The following IL20RB variants were observed in gnomAD, a reference collection of about 807,000 sequenced individuals.
IL20RB encodes interleukin 20 receptor subunit beta.
Under a neutral mutation model 33.3 loss-of-function variants are expected in IL20RB, and 21 were observed. The observed-to-expected ratio is 0.63, with a 90% CI of 0.45 to 0.91. IL20RB has a LOEUF of 0.91. IL20RB is among the 40% of genes least tolerant of loss of function. IL20RB has a pLI of 0.00. For missense variants in IL20RB, 345 were observed against 384.8 expected, an observed-to-expected ratio of 0.90 and a Z score of 0.86; for synonymous variants, 147 against 146.8, an observed-to-expected ratio of 1.00 and a Z score of -0.01.
chr3:136,992,404 C>T (rs138596232), intron 5 of IL20RB, among the ~76,000 whole-genome samples: 89 of 152,316 alleles, frequency 5.8e-4, no homozygotes, highest in Non-Finnish European at 9.4e-4. Context: ...TCAGAGTGGG[C>T]TGCAGGAGAG....
At chr3:136,967,068 G>A (rs1426975758) in intron 1 of IL20RB, among the ~76,000 whole-genome samples, 2 of 45,398 alleles carry the variant, frequency 4.4e-5, no homozygotes, top group African/African-American at 9.7e-5. Context: ...GAGATAGTTT[G>A]TTATAATTTC....
chr3:136,976,392 T>C (rs1941618529), intron 1 of IL20RB, among the ~76,000 whole-genome samples: 1 of 152,182 alleles, frequency 6.6e-6, no homozygotes, highest in African/African-American at 2.4e-5. Flanking sequence ...CTGACCTCTG[T>C]GGCTACAGCC....
intron 1 of IL20RB, among the ~76,000 whole-genome samples, chr3:136,960,837 A>G (rs557177841): frequency 6.6e-6 from 1 of 152,330 alleles, no homozygotes; most frequent in East Asian, 1.9e-4. Flanking sequence ...GACAAAGGAA[A>G]GGAAATAAAG....
intron 1 of IL20RB, among the ~76,000 whole-genome samples, chr3:136,958,486 G>A (rs1405298711): frequency 5.3e-5 from 8 of 152,138 alleles, no homozygotes; most frequent in African/African-American, 1.2e-4. Context: ...TTATCTCATC[G>A]TCTGGTTTTA....
At chr3:136,990,990 C>T (rs1322208982) in intron 4 of IL20RB, among the ~76,000 whole-genome samples, 1 of 152,190 alleles carries the variant, frequency 6.6e-6, no homozygotes, top group African/African-American at 2.4e-5. Flanking sequence ...ACTGGCAGGG[C>T]CAGGGCTAAG....
intron 2 of IL20RB, chr3:136,981,945 A>G: frequency 2.6e-6 from 1 of 380,188 alleles, no homozygotes; most frequent in East Asian, 4.0e-5. Context: ...ATCCAGACAC[A>G]TTGATGTTTA....
rs1225405177 is a variant in IL20RB at position 136,999,105 on chromosome 3, T to A, written c.825+3549T>A. ...AATTTTCAGCCTTTTTTTTTCTTTT[T>A]ATTTTTTTAGAGACAGGGTCTCACT... On this transcript the variant is annotated intron_variant, in intron 6 of 6. Transcript: ENST00000329582. Among the ~76,000 whole-genome samples the A allele has an allele frequency of 4.6e-5, 7 of 152,268 alleles. No homozygotes were observed. In the South Asian group the frequency reaches 8.3e-4, roughly 18 times the overall value.
At position 136,991,942 on chromosome 3, in the gene IL20RB, A is replaced by G. The variant is rs773961092; in HGVS notation, c.536A>G (p.His179Arg). Residue 179 changes from histidine (H) to arginine (R), a missense_variant, in exon 5 of 7, where the codon CAT (histidine) becomes CGT (arginine). Transcript: ENST00000329582. ...GTGTTTTCTGGTCTGTCAAAGGAAC[A>G]TGTCAAAATGGTGAGGAGTGGGGGT... ...YWRREPGAEEHVKMVRSGGIP... is the reference protein window; with the variant it reads ...YWRREPGAEERVKMVRSGGIP... 4 of 1,614,024 alleles carry G rather than the reference A, an allele frequency of 2.5e-6. No individual in the cohort carries two copies. Among genetic ancestry groups the G allele is most frequent in the South Asian group, 1.1e-5 (1 of 91,068 alleles).
chr3:136,959,904 C>A (rs140034941), intron 1 of IL20RB, among the ~76,000 whole-genome samples: 208 of 152,226 alleles, frequency 1.4e-3, no homozygotes, highest in African/African-American at 4.7e-3. Flanking sequence ...AATAAGATGA[C>A]ACAAACAAAA....
chr3:137,008,003 G>C (rs1560079615), intron 6 of IL20RB, among the ~76,000 whole-genome samples: 1 of 152,192 alleles, frequency 6.6e-6, no homozygotes, highest in Non-Finnish European at 1.5e-5. Flanking sequence ...TATAGTCTCT[G>C]TTTAAAAATA....
At chr3:136,974,169 GGATTTCTGTAGT>G (rs1941561047) in intron 1 of IL20RB, among the ~76,000 whole-genome samples, 1 of 151,824 alleles carries the variant, frequency 6.6e-6, no homozygotes, top group African/African-American at 2.4e-5. Flanking sequence ...GTGTTTTAGT[GGATTTCTGTAGT>G]GGTACCATTT....
intron 5 of IL20RB, among the ~76,000 whole-genome samples, chr3:136,993,638 T>A (rs1277121688): frequency 6.6e-6 from 1 of 152,122 alleles, no homozygotes; most frequent in Non-Finnish European, 1.5e-5. Context: ...TTCTCATTGT[T>A]CAGTTCCCAC....
intron 1 of IL20RB, among the ~76,000 whole-genome samples, chr3:136,969,841 T>C (rs1188546890): frequency 6.6e-6 from 1 of 152,206 alleles, no homozygotes; most frequent in African/African-American, 2.4e-5. Flanking sequence ...ATAGCAAAAG[T>C]TTTTAATTTT....
At chr3:136,975,645 C>G (rs1316025221) in intron 1 of IL20RB, among the ~76,000 whole-genome samples, 1 of 152,090 alleles carries the variant, frequency 6.6e-6, no homozygotes, top group East Asian at 1.9e-4. Flanking sequence ...CCCATTTTTG[C>G]TTTTATTCTG....
intron 1 of IL20RB, among the ~76,000 whole-genome samples, chr3:136,973,502 A>G (rs1398348768): frequency 1.3e-5 from 2 of 152,114 alleles, no homozygotes; most frequent in East Asian, 3.8e-4. Context: ...TCTGGAGAAT[A>G]TTCCATGGGC....
intron 1 of IL20RB, among the ~76,000 whole-genome samples, chr3:136,980,068 C>T (rs1386446515): frequency 6.6e-6 from 1 of 152,128 alleles, no homozygotes; most frequent in Non-Finnish European, 1.5e-5. Context: ...TGGTCTTTAC[C>T]TCCCAGTATG....
chr3:136,958,887 G>GT (rs1410161041), intron 1 of IL20RB, among the ~76,000 whole-genome samples: 1 of 151,988 alleles, frequency 6.6e-6, no homozygotes, highest in Non-Finnish European at 1.5e-5. Context: ...GCACTTTGCA[G>GT]TGTTGATGGG....
At chr3:137,006,988 T>A (rs1942362492) in intron 6 of IL20RB, among the ~76,000 whole-genome samples, 1 of 152,188 alleles carries the variant, frequency 6.6e-6, no homozygotes, top group African/African-American at 2.4e-5. Context: ...TTGATGCTCT[T>A]CCTTTCTGTT....
chr3:136,960,172 C>T (rs1400001143), intron 1 of IL20RB, among the ~76,000 whole-genome samples: 9 of 97,762 alleles, frequency 9.2e-5, no homozygotes, highest in South Asian at 3.5e-4. Context: ...TTTTTTTGAC[C>T]GAGTCTCGTT....
Sources: gnomAD v4.1 joint callset for allele counts (sites outside exome capture counted in the v4.1 genomes callset) on GRCh38, gnomAD v4.1.1 for gene constraint, MANE v1.5 for transcripts, NCBI Gene and HGNC (gene_info 2026-07-23, HGNC 2026-07-21) for gene names.